ACO2: variants seen among roughly 807,000 people sequenced by gnomAD.
ACO2 encodes aconitase 2, also known as aconitate hydratase, mitochondrial.
A neutral mutation model predicts 84.5 loss-of-function variants in ACO2; 31 were observed. That is an observed-to-expected ratio of 0.37 (90% CI 0.28 to 0.50). The LOEUF (loss-of-function observed/expected upper bound fraction) is 0.50, where lower values mean the gene tolerates loss of function less well. Among genes scored for constraint, ACO2 ranks in the 20% least tolerant of loss-of-function variants. The pLI is 0.97. For synonymous variants in ACO2, 414 were observed against 412.7 expected (o/e 1.00, Z -0.04); for missense variants, 685 against 1,029.3 (o/e 0.67, Z 4.58).
intron 1 of ACO2, among the ~76,000 whole-genome samples, chr22:41,470,528 CTTTTTTTTTT>C (rs71184811): frequency 6.2e-4 from 59 of 95,846 alleles, no homozygotes; most frequent in African/African-American, 2.2e-3. Context: ...CTCTTTACAT[CTTTTTTTTTT>C]TTTTTTTTTT....
chr22:41,528,634 G>A lies in ACO2; in HGVS notation c.*21G>A, dbSNP rs752783356. The A allele has an allele frequency of 7.5e-6, 12 of 1,607,388 alleles. No homozygotes were observed. Among genetic ancestry groups the A allele is most frequent in the Admixed American group, 1.7e-5 (1 of 59,852 alleles). On this transcript the variant is annotated 3_prime_UTR_variant, in exon 18 of 18. Transcript: ENST00000216254. ...AGTGAGGGCAGTGCCTCCCCGCCCC[G>A]CCGCTGGCGTCAAGTTCAGCTCCAC...
At chr22:41,522,580 T>C (rs2066535574) in intron 9 of ACO2, among the ~76,000 whole-genome samples, 1 of 152,202 alleles carries the variant, frequency 6.6e-6, no homozygotes, top group Admixed American at 6.5e-5. Flanking sequence ...AAAGGGGTCA[T>C]AGTCCTAATG....
intron 1 of ACO2, 79 bp from the exon 2 acceptor site, chr22:41,499,647 T>C: frequency 6.7e-7 from 1 of 1,485,008 alleles, no homozygotes; most frequent in Non-Finnish European, 9.0e-7. Flanking sequence ...CTGGATTTTT[T>C]TCACCATACT....
chr22:41,471,710 C>T (rs1167927316), intron 1 of ACO2, among the ~76,000 whole-genome samples: 1 of 152,200 alleles, frequency 6.6e-6, no homozygotes, highest in Admixed American at 6.5e-5. Flanking sequence ...ATGGGTGTTA[C>T]TCCCAGCACT....
chr22:41,492,108 G>A (rs9607809), intron 1 of ACO2, among the ~76,000 whole-genome samples: 3,375 of 152,348 alleles, frequency 0.022, 56 homozygotes, highest in Non-Finnish European at 0.031. Context: ...ATGGGAATAA[G>A]TTACTTGCAC....
At chr22:41,499,467 T>C (rs746186843) in intron 1 of ACO2, among the ~76,000 whole-genome samples, 3 of 152,224 alleles carry the variant, frequency 2.0e-5, no homozygotes, top group Non-Finnish European at 4.4e-5. Context: ...CTTACATTGA[T>C]ACACCTTACA....
intron 1 of ACO2, among the ~76,000 whole-genome samples, chr22:41,472,178 C>T (rs1186094234): frequency 6.6e-6 from 1 of 151,958 alleles, no homozygotes; most frequent in African/African-American, 2.4e-5. Flanking sequence ...TATGGTGAAA[C>T]CCCATCTCTA....
At chr22:41,500,241 C>T (rs1300744391) in intron 2 of ACO2, among the ~76,000 whole-genome samples, 1 of 151,962 alleles carries the variant, frequency 6.6e-6, no homozygotes, top group Non-Finnish European at 1.5e-5. Context: ...TGCACAGGCA[C>T]AGAGGAGAGC....
chr22:41,494,653 C>T (rs558165362), intron 1 of ACO2, among the ~76,000 whole-genome samples: 25 of 151,950 alleles, frequency 1.6e-4, no homozygotes, highest in Admixed American at 2.6e-4. Flanking sequence ...TCAAGTGATC[C>T]GCCTACCTCG....
chr22:41,506,831 T>C (rs1470111945), intron 2 of ACO2, among the ~76,000 whole-genome samples: 1 of 151,984 alleles, frequency 6.6e-6, no homozygotes, highest in African/African-American at 2.4e-5. Flanking sequence ...GCTTTGAGAA[T>C]TCTGGGGGGC....
At chr22:41,527,157 C>T in intron 15 of ACO2, 131 bp from the exon 16 acceptor site, 3 of 1,366,328 alleles carry the variant, frequency 2.2e-6, no homozygotes, top group Non-Finnish European at 3.0e-6. Flanking sequence ...CGAGGAAGGG[C>T]CCCTCCAGCC....
chr22:41,501,689 C>T (rs977655086), intron 2 of ACO2, among the ~76,000 whole-genome samples: 2 of 152,154 alleles, frequency 1.3e-5, no homozygotes, highest in Admixed American at 6.5e-5. Context: ...GAGAAGGAAC[C>T]TGCCCACAAC....
chr22:41,525,666 G>T, intron 14 of ACO2: 2 of 354,530 alleles, frequency 5.6e-6, no homozygotes, highest in Admixed American at 4.2e-5. Context: ...GGGACAGTGT[G>T]TGTGATTGCA....
intron 1 of ACO2, among the ~76,000 whole-genome samples, chr22:41,486,489 G>C (rs1019691124): frequency 1.6e-5 from 1 of 63,692 alleles, no homozygotes; most frequent in Non-Finnish European, 2.9e-5. Flanking sequence ...TTTTTTTTTT[G>C]AGACGGAGTC....
intron 3 of ACO2, among the ~76,000 whole-genome samples, chr22:41,510,772 T>C (rs2066427637): frequency 6.6e-6 from 1 of 152,196 alleles, no homozygotes; most frequent in African/African-American, 2.4e-5. Context: ...TCCCTGTCCC[T>C]CAAGGAAGCT....
chr22:41,524,105 C>T (rs563386220), intron 12 of ACO2, among the ~76,000 whole-genome samples, 164 bp downstream of exon 12: 6 of 152,294 alleles, frequency 3.9e-5, no homozygotes, highest in South Asian at 2.1e-4. Flanking sequence ...CTGCCTGGGG[C>T]TCCCTGGGTC....
rs1010388403 is a variant in ACO2 at position 41,528,130 on chromosome 22, G to A, written c.2208+108G>A. ...TCTCCCAGGAGGCTTCATTCCAGCT[G>A]GAAAGGCCCCCAGTTCTCCAGGTGG... On this transcript the variant is annotated intron_variant, in intron 17 of 17. Coordinates refer to ENST00000216254, the MANE Select transcript of ACO2 (RefSeq NM_001098.3). 4.6e-6 allele frequency: 7 copies of A among 1,510,696 alleles called. No homozygotes were observed. In the African/African-American group the frequency reaches 8.3e-5, roughly 18 times the overall value. The allele number at this position is 1,510,696 out of a possible 1,614,324, so 93.6% of individuals were successfully genotyped here. A position where few individuals can be genotyped will look rare whatever the true frequency, so the allele number is the denominator to read the frequency against.
chr22:41,508,092 T>C (rs1311879703), intron 3 of ACO2, 43 bp downstream of exon 3: 12 of 1,579,550 alleles, frequency 7.6e-6, no homozygotes, highest in Non-Finnish European at 1.0e-5. Flanking sequence ...TGGGCAAGAC[T>C]GGGCGAGAGG....
chr22:41,481,433 G>A (rs549980848), intron 1 of ACO2, among the ~76,000 whole-genome samples: 10 of 152,206 alleles, frequency 6.6e-5, no homozygotes, highest in Non-Finnish European at 1.5e-4. Flanking sequence ...GGGCTCACTG[G>A]TACATGGCTC....
Sources: allele counts gnomAD v4.1 joint callset (sites outside exome capture counted in the v4.1 genomes callset), GRCh38; gene constraint gnomAD v4.1.1; transcripts MANE v1.5; gene names NCBI Gene and HGNC (gene_info 2026-07-23, HGNC 2026-07-21).